TSHR: variants seen among roughly 807,000 people sequenced by gnomAD.
TSHR encodes the protein thyroid stimulating hormone receptor.
TSHR carries 51 observed loss-of-function variants against 64.1 expected under a neutral mutation model. The observed-to-expected ratio is 0.80, with a 90% CI of 0.64 to 1.01. TSHR has a LOEUF of 1.01. TSHR is among the 50% of genes least tolerant of loss of function. The probability of loss-of-function intolerance (pLI) is 0.00; values close to 1 mark genes in which losing one functional copy is unlikely to be tolerated. For synonymous variants in TSHR, 361 were observed against 361.9 expected, an observed-to-expected ratio of 1.00 and a Z score of 0.03; for missense variants, 877 against 942.8, an observed-to-expected ratio of 0.93 and a Z score of 0.91.
At position 81,018,128 on chromosome 14, in the gene TSHR, T is replaced by G. The variant is rs117942401; in HGVS notation, c.171-44020T>G. 8.0e-3 allele frequency among the ~76,000 whole-genome samples: 1,217 copies of G among 152,288 alleles called. 11 individuals carry two copies. Among genetic ancestry groups the G allele is most frequent in the Non-Finnish European group, 0.011 (716 of 68,024 alleles). On this transcript the variant is annotated intron_variant, in intron 1 of 9. Transcript: ENST00000298171. The stretch of plus-strand genomic sequence containing the variant: ...TTACAATAGTACCTAACATACTCTA[T>G]TGAATTGCTGGCTTTTCTTTCTCTT...
chr14:80,974,273 G>A (rs1887753718), intron 1 of TSHR, among the ~76,000 whole-genome samples: 1 of 152,164 alleles, frequency 6.6e-6, no homozygotes, highest in African/African-American at 2.4e-5. Flanking sequence ...ATTAGGAAGA[G>A]CAACACTTGT....
At chr14:80,962,734 G>A (rs960723563) in intron 1 of TSHR, among the ~76,000 whole-genome samples, 1 of 152,198 alleles carries the variant, frequency 6.6e-6, no homozygotes, top group African/African-American at 2.4e-5. Context: ...TGCAGATGGA[G>A]GCCAAACTAG....
intron 8 of TSHR, among the ~76,000 whole-genome samples, chr14:81,123,280 AGTT>A (rs1229075989): frequency 2.0e-5 from 3 of 152,232 alleles, no homozygotes; most frequent in Admixed American, 6.5e-5. Context: ...TTCCAAGCAT[AGTT>A]GTTGTCTGAA....
chr14:80,988,625 T>C (rs1310133252), intron 1 of TSHR, among the ~76,000 whole-genome samples: 2 of 152,212 alleles, frequency 1.3e-5, no homozygotes, highest in East Asian at 3.8e-4. Flanking sequence ...TAACAGTTTC[T>C]TAAGGATCCA....
At chr14:80,998,268 C>T (rs928199841) in intron 1 of TSHR, among the ~76,000 whole-genome samples, 2 of 152,008 alleles carry the variant, frequency 1.3e-5, no homozygotes, top group Non-Finnish European at 2.9e-5. Flanking sequence ...TTGGGGCAGG[C>T]AATCATTCAT....
At chr14:81,061,753 A>G (rs556483018) in intron 1 of TSHR, among the ~76,000 whole-genome samples, 13 of 152,212 alleles carry the variant, frequency 8.5e-5, no homozygotes, top group African/African-American at 2.9e-4. Context: ...CAGTTTACCT[A>G]TATAACAAAT....
At chr14:81,102,104 G>A (rs8006752) in intron 7 of TSHR, among the ~76,000 whole-genome samples, 17,152 of 151,350 alleles carry the variant, frequency 0.11, 2,688 homozygotes, top group African/African-American at 0.36. Context: ...CCCGGGAGGC[G>A]GAGCTTGCAG....
At chr14:80,991,204 C>T (rs1178993618) in intron 1 of TSHR, among the ~76,000 whole-genome samples, 1 of 152,096 alleles carries the variant, frequency 6.6e-6, no homozygotes, top group Non-Finnish European at 1.5e-5. Context: ...ACTCTTTGTC[C>T]TCAGATATAA....
chr14:81,005,241 G>A (rs1351584131), intron 1 of TSHR, among the ~76,000 whole-genome samples: 3 of 129,730 alleles, frequency 2.3e-5, no homozygotes, highest in Non-Finnish European at 4.9e-5. Flanking sequence ...GTGTGTGTGT[G>A]CACGCACGCA....
chr14:81,041,778 A>T (rs528911227), intron 1 of TSHR, among the ~76,000 whole-genome samples: 58 of 152,274 alleles, frequency 3.8e-4, no homozygotes, highest in African/African-American at 1.3e-3. Flanking sequence ...TTAGGTACAC[A>T]GATATTTACC....
At chr14:81,123,578 C>T (rs996708599) in intron 8 of TSHR, among the ~76,000 whole-genome samples, 1 of 152,172 alleles carries the variant, frequency 6.6e-6, no homozygotes, top group Non-Finnish European at 1.5e-5. Context: ...AAATCGTAAA[C>T]TCCATCTAAA....
chr14:80,955,978 A>C, intron 1 of TSHR, 128 bp downstream of exon 1: 1 of 1,154,240 alleles, frequency 8.7e-7, no homozygotes, highest in Non-Finnish European at 1.3e-6. Context: ...GTGTGAGTGA[A>C]TGTCTGTGTG....
At chr14:81,138,675 A>G (rs966342977) in intron 8 of TSHR, among the ~76,000 whole-genome samples, 7 of 152,052 alleles carry the variant, frequency 4.6e-5, no homozygotes. Flanking sequence ...GAGAATGTAA[A>G]CCCCAGCTAA....
At chr14:80,994,871 T>C (rs1023654091) in intron 1 of TSHR, 1 of 151,972 alleles carries the variant, frequency 6.6e-6, no homozygotes, top group Non-Finnish European at 1.5e-5. Flanking sequence ...AAAGAGAAAA[T>C]TGACAAATAG....
At chr14:80,977,847 T>C (rs28534062) in intron 1 of TSHR, among the ~76,000 whole-genome samples, 8,711 of 152,256 alleles carry the variant, frequency 0.057, 809 homozygotes, top group African/African-American at 0.2. Context: ...TTTTCTTAGA[T>C]ATAAACAAAA....
chr14:81,041,946 T>C (rs1317932688), intron 1 of TSHR, among the ~76,000 whole-genome samples: 1 of 152,130 alleles, frequency 6.6e-6, no homozygotes, highest in Non-Finnish European at 1.5e-5. Flanking sequence ...CAGAATATAT[T>C]CCAACCCTTA....
intron 3 of TSHR, 143 bp from the exon 4 acceptor site, chr14:81,087,811 C>G: frequency 2.8e-6 from 2 of 718,752 alleles, no homozygotes; most frequent in Non-Finnish European, 5.1e-6. Context: ...GGACCCCTGG[C>G]AGCTACAGCC....
chr14:80,985,453 G>A (rs1249187456), intron 1 of TSHR, among the ~76,000 whole-genome samples: 1 of 152,224 alleles, frequency 6.6e-6, no homozygotes, highest in African/African-American at 2.4e-5. Flanking sequence ...GAGAAATTTA[G>A]ATCCAGAATT....
At chr14:81,018,634 A>T (rs1883556228) in intron 1 of TSHR, among the ~76,000 whole-genome samples, 1 of 152,132 alleles carries the variant, frequency 6.6e-6, no homozygotes, top group South Asian at 2.1e-4. Context: ...TACTTATCTA[A>T]AACTTTTACC....
Sources: gnomAD v4.1 joint callset for allele counts (sites outside exome capture counted in the v4.1 genomes callset) on GRCh38, gnomAD v4.1.1 for gene constraint, MANE v1.5 for transcripts, NCBI Gene and HGNC (gene_info 2026-07-23, HGNC 2026-07-21) for gene names.